The following FARS2 variants were observed in gnomAD, a reference collection of about 807,000 sequenced individuals.
FARS2 encodes the protein phenylalanine--tRNA ligase, mitochondrial.
A neutral mutation model predicts 46.4 loss-of-function variants in FARS2; 40 were observed. The ratio of observed to expected loss-of-function variants is 0.86; its 90% confidence interval spans 0.67 to 1.12. The LOEUF (loss-of-function observed/expected upper bound fraction) is 1.12. Ranked by LOEUF, FARS2 falls within the 50% of genes most tolerant of loss-of-function variation. The probability of loss-of-function intolerance (pLI) is 0.00; values close to 1 mark genes in which losing one functional copy is unlikely to be tolerated. For missense variants in FARS2, 513 were observed against 567.9 expected, an observed-to-expected ratio of 0.90 and a Z score of 0.98; for synonymous variants, 234 against 214.9, an observed-to-expected ratio of 1.09 and a Z score of -0.78.
chr6:5,510,208 G>C (rs1768354625), intron 4 of FARS2, among the ~76,000 whole-genome samples: 1 of 152,106 alleles, frequency 6.6e-6, no homozygotes, highest in Non-Finnish European at 1.5e-5. Context: ...TTTTAGTTCA[G>C]TGATTCTGTG....
At chr6:5,556,425 T>C (rs768537810) in intron 5 of FARS2, among the ~76,000 whole-genome samples, 11 of 151,882 alleles carry the variant, frequency 7.2e-5, no homozygotes, top group Non-Finnish European at 1.5e-4. Flanking sequence ...CTCAGTCCCT[T>C]GTACCGTCAG....
chr6:5,521,135 T>G (rs1454437703), intron 4 of FARS2, among the ~76,000 whole-genome samples: 1 of 152,136 alleles, frequency 6.6e-6, no homozygotes, highest in Non-Finnish European at 1.5e-5. Context: ...ATATTTTGTT[T>G]CTCTTTTTTA....
At chr6:5,425,519 A>G (rs1264156262) in intron 3 of FARS2, among the ~76,000 whole-genome samples, 1 of 152,128 alleles carries the variant, frequency 6.6e-6, no homozygotes, top group East Asian at 1.9e-4. Context: ...AAACACACAC[A>G]CACACACACC....
chr6:5,416,480 T>TC (rs1762246640), intron 3 of FARS2, among the ~76,000 whole-genome samples: 1 of 152,240 alleles, frequency 6.6e-6, no homozygotes, highest in African/African-American at 2.4e-5. Flanking sequence ...TCTATTCTGT[T>TC]CCATGCATCT....
At chr6:5,608,931 T>G (rs1775006530) in intron 5 of FARS2, among the ~76,000 whole-genome samples, 1 of 152,058 alleles carries the variant, frequency 6.6e-6, no homozygotes, top group South Asian at 2.1e-4. Flanking sequence ...ATCAGACTAT[T>G]ACATTTAGCA....
chr6:5,294,251 G>GT (rs1159670542), intron 1 of FARS2, among the ~76,000 whole-genome samples: 2 of 152,194 alleles, frequency 1.3e-5, no homozygotes, highest in Non-Finnish European at 2.9e-5. Flanking sequence ...GTAAAAGGAG[G>GT]TGGAGGGGAA....
At chr6:5,748,982 G>A (rs1761793238) in intron 6 of FARS2, among the ~76,000 whole-genome samples, 1 of 152,246 alleles carries the variant, frequency 6.6e-6, no homozygotes, top group Admixed American at 6.5e-5. Context: ...CTGTTATGAT[G>A]AAACGAGAGG....
At chr6:5,354,220 G>C (rs1045678001) in intron 1 of FARS2, among the ~76,000 whole-genome samples, 3 of 151,948 alleles carry the variant, frequency 2.0e-5, no homozygotes, top group African/African-American at 7.3e-5. Context: ...AAACTACTTA[G>C]CATTCAGTTC....
At chr6:5,338,679 T>C (rs910288257) in intron 1 of FARS2, among the ~76,000 whole-genome samples, 3 of 151,484 alleles carry the variant, frequency 2.0e-5, no homozygotes, top group African/African-American at 7.3e-5. Context: ...GCATTCTCTA[T>C]GGCATTTAGT....
chr6:5,572,603 A>C (rs1582478021), intron 5 of FARS2, among the ~76,000 whole-genome samples: 1 of 151,056 alleles, frequency 6.6e-6, no homozygotes, highest in Non-Finnish European at 1.5e-5. Context: ...TTCCTTGCCC[A>C]CCTCCCCACC....
At chr6:5,267,629 C>T (rs9502285) in intron 1 of FARS2, among the ~76,000 whole-genome samples, 118,592 of 151,726 alleles carry the variant, frequency 0.78, 46,581 homozygotes, top group African/African-American at 0.85. Context: ...TGGTGGGTGC[C>T]TGTAGTCCCA....
intron 6 of FARS2, among the ~76,000 whole-genome samples, chr6:5,683,438 G>C (rs1779131476): frequency 6.6e-6 from 1 of 152,104 alleles, no homozygotes; most frequent in Admixed American, 6.5e-5. Flanking sequence ...AGTGTGCTAA[G>C]TTAGTCTGGG....
intron 6 of FARS2, among the ~76,000 whole-genome samples, chr6:5,722,990 T>TA (rs1464958924): frequency 7.9e-5 from 12 of 152,116 alleles, no homozygotes; most frequent in African/African-American, 2.9e-4. Context: ...AAGGGAGCAA[T>TA]AAACAAGGAT....
At chr6:5,769,276 A>G (rs1762908739) in intron 6 of FARS2, among the ~76,000 whole-genome samples, 1 of 152,226 alleles carries the variant, frequency 6.6e-6, no homozygotes, top group Non-Finnish European at 1.5e-5. Flanking sequence ...CAAAAACCAA[A>G]TAACTGTAAA....
Position 5,610,311 on chromosome 6 carries a change from T to TAA in FARS2, c.1066-2844_1066-2843dup, listed in dbSNP as rs1554115958. 8.9e-4 allele frequency: 264 copies of TAA among 297,722 alleles called. 1 individual carries two copies. Among genetic ancestry groups the TAA allele is most frequent in the East Asian group, 1.8e-3 (33 of 18,060 alleles). The allele number at this position is 297,722 out of a possible 1,614,324, so 18.4% of individuals were successfully genotyped here. On this transcript the variant is annotated intron_variant, in intron 5 of 6. Coordinates refer to ENST00000274680, the MANE Select transcript of FARS2 (RefSeq NM_006567.5). ...TTTTGATGCCCTTTTCAATTCTTTT[T>TAA]AAAAAAAAAAAAAAAGAATTATAAA...
At chr6:5,508,126 AGT>A (rs1212442083) in intron 4 of FARS2, among the ~76,000 whole-genome samples, 1 of 152,122 alleles carries the variant, frequency 6.6e-6, no homozygotes, top group Non-Finnish European at 1.5e-5. Flanking sequence ...TCTAATGGGG[AGT>A]TATTAACTCT....
At chr6:5,260,232 G>A (rs796749389), upstream of FARS2, among the ~76,000 whole-genome samples, 34 of 152,302 alleles carry the variant, frequency 2.2e-4, no homozygotes, top group African/African-American at 7.7e-4. Context: ...CTTTGTCGCA[G>A]TGTACTACTC....
intron 1 of FARS2, among the ~76,000 whole-genome samples, chr6:5,262,134 A>G (rs1175719964): frequency 6.6e-6 from 1 of 152,244 alleles, no homozygotes; most frequent in Non-Finnish European, 1.5e-5. Context: ...TTATGCGTGA[A>G]AACAAAACAA....
At chr6:5,349,880 TG>T (rs926731789) in intron 1 of FARS2, among the ~76,000 whole-genome samples, 53 of 150,542 alleles carry the variant, frequency 3.5e-4, no homozygotes, top group African/African-American at 1.2e-3. Flanking sequence ...TGGAGTTATA[TG>T]TTTTTTTTTT....
Sources: allele counts gnomAD v4.1 joint callset (sites outside exome capture counted in the v4.1 genomes callset), GRCh38; gene constraint gnomAD v4.1.1; transcripts MANE v1.5; gene names NCBI Gene and HGNC (gene_info 2026-07-23, HGNC 2026-07-21).